The following CR1L variants were observed in gnomAD, a reference collection of about 807,000 sequenced individuals.
The protein encoded by CR1L is complement C3b/C4b receptor 1 like.
CR1L carries 59 observed loss-of-function variants against 62.3 expected under a neutral mutation model. The ratio of observed to expected loss-of-function variants is 0.95; its 90% CI spans 0.77 to 1.18. The LOEUF is 1.18. Ranked by LOEUF, CR1L falls within the 50% of genes most tolerant of loss-of-function variation. CR1L has a pLI of 0.00. For synonymous variants in CR1L, 279 were observed against 248.7 expected, an observed-to-expected ratio of 1.12 and a Z score of -1.15; for missense variants, 700 against 702.8, an observed-to-expected ratio of 1.00 and a Z score of 0.04.
chr1:207,710,732 G>A (rs1223337795), intron 10 of CR1L: 1 of 1,609,466 alleles, frequency 6.2e-7, no homozygotes, highest in Non-Finnish European at 8.5e-7. Context: ...CGCACCGTGT[G>A]CAATGCCAGG....
intron 10 of CR1L, chr1:207,715,208 C>T (rs1315332406): frequency 3.0e-6 from 2 of 662,546 alleles, no homozygotes; most frequent in African/African-American, 1.8e-5. Context: ...AAATGATAGT[C>T]AAGGAGGAAA....
chr1:207,699,349 A>G (rs1664157218), intron 8 of CR1L, 75 bp downstream of exon 8: 1 of 1,532,804 alleles, frequency 6.5e-7, no homozygotes, highest in Non-Finnish European at 8.9e-7. Flanking sequence ...GACCTCCCCT[A>G]ATGTGGTTCT....
Position 207,709,041 on chromosome 1 carries a change from T to C in CR1L, c.1414+778T>C, listed in dbSNP as rs1424449574. On this transcript the variant is annotated intron_variant, in intron 10 of 11. Transcript: ENST00000508064. ...TAAGTATCATGTTTATTATATGTAA[T>C]ATTGTATATTTGTGTTTGCTTTGTC... The C allele has an allele frequency of 2.0e-5, 6 of 294,366 alleles. No homozygotes were observed. In the East Asian group the frequency reaches 4.8e-4, roughly 24 times the overall value. 18.2% of individuals were successfully genotyped at this position (294,366 alleles called of 1,614,324 possible).
intron 3 of CR1L, 78 bp downstream of exon 3, chr1:207,678,375 C>A: frequency 7.9e-7 from 1 of 1,267,856 alleles, no homozygotes; most frequent in Non-Finnish European, 1.1e-6. Flanking sequence ...AGTCACATCT[C>A]AGAAAGGACA....
At chr1:207,653,350 G>A (rs78246144) in intron 1 of CR1L, among the ~76,000 whole-genome samples, 5,849 of 152,286 alleles carry the variant, frequency 0.038, 176 homozygotes, top group South Asian at 0.12. Context: ...CAGCAAAGAC[G>A]TAGAGTAAAT....
chr1:207,708,170 G>A lies in CR1L; in HGVS notation c.1329-8G>A, dbSNP rs1558024681. The A allele has an allele frequency of 2.0e-5, 32 of 1,610,770 alleles. No individual in the cohort carries two copies. Among genetic ancestry groups the A allele is most frequent in the Non-Finnish European group, 2.7e-5 (32 of 1,179,074 alleles). On this transcript the variant is annotated splice_polypyrimidine_tract_variant and splice_region_variant and intron_variant, in intron 9 of 11. Coordinates refer to ENST00000508064, the MANE Select transcript of CR1L (RefSeq NM_175710.2). ...ACAGCACAATTATTTTCCATTTTTTGCCTTTAGGCACCGACTCATTGGTCA... is the reference window on the plus strand; with the variant it reads ...ACAGCACAATTATTTTCCATTTTTTACCTTTAGGCACCGACTCATTGGTCA...
intron 1 of CR1L, chr1:207,669,700 C>G (rs974599001): frequency 1.3e-4 from 72 of 574,368 alleles, no homozygotes; most frequent in Admixed American, 1.2e-3. Context: ...GTGGGCTGAG[C>G]GCGCTACCTG....
intron 11 of CR1L, among the ~76,000 whole-genome samples, chr1:207,718,878 A>C (rs989116238): frequency 2.0e-5 from 3 of 150,538 alleles, no homozygotes; most frequent in Non-Finnish European, 4.4e-5. Context: ...ACAATGATAG[A>C]CTGGATTAAG....
chr1:207,661,067 A>G (rs774506956), intron 1 of CR1L, among the ~76,000 whole-genome samples: 82 of 152,292 alleles, frequency 5.4e-4, no homozygotes, highest in Middle Eastern at 3.4e-3. Flanking sequence ...ACTTCCAACT[A>G]TGTGGTCAAT....
chr1:207,721,094 T>C (rs1429231820), intron 11 of CR1L, among the ~76,000 whole-genome samples: 1 of 152,182 alleles, frequency 6.6e-6, no homozygotes, highest in African/African-American at 2.4e-5. Context: ...GGATGCAAGA[T>C]TTAGAGAAAG....
intron 1 of CR1L, among the ~76,000 whole-genome samples, chr1:207,662,838 T>A (rs1663446490): frequency 6.6e-6 from 1 of 152,248 alleles, no homozygotes; most frequent in Non-Finnish European, 1.5e-5. Flanking sequence ...GTGGATGTCC[T>A]TTCTGTTTGT....
chr1:207,670,192 C>G (rs995914351), intron 1 of CR1L, among the ~76,000 whole-genome samples: 2 of 150,844 alleles, frequency 1.3e-5, no homozygotes, highest in Non-Finnish European at 2.9e-5. Context: ...GAACTGTCCT[C>G]GTCCCCTACC....
chr1:207,683,323 G>A (rs949446719), intron 3 of CR1L, among the ~76,000 whole-genome samples: 3 of 151,992 alleles, frequency 2.0e-5, no homozygotes, highest in Non-Finnish European at 2.9e-5. Flanking sequence ...TTTTTGTTGA[G>A]ACAGGGTCTC....
intron 1 of CR1L, among the ~76,000 whole-genome samples, chr1:207,648,838 C>G (rs1171806150): frequency 2.0e-5 from 3 of 152,222 alleles, no homozygotes; most frequent in Non-Finnish European, 2.9e-5. Context: ...GGGAGATAGG[C>G]AGCACAAGAA....
At chr1:207,646,232 T>C (rs1663123192) in intron 1 of CR1L, among the ~76,000 whole-genome samples, 1 of 152,130 alleles carries the variant, frequency 6.6e-6, no homozygotes, top group Non-Finnish European at 1.5e-5. Context: ...TTTCATTAGT[T>C]TGAGTCATAT....
chr1:207,677,354 A>G (rs779704034), intron 1 of CR1L, 35 bp from the exon 2 acceptor site: 2 of 1,309,156 alleles, frequency 1.5e-6, no homozygotes, highest in South Asian at 1.8e-5. Context: ...TAATTTCTCC[A>G]TTAACTTCGA....
At chr1:207,648,023 G>A (rs1288328189) in intron 1 of CR1L, among the ~76,000 whole-genome samples, 1 of 152,034 alleles carries the variant, frequency 6.6e-6, no homozygotes, top group Non-Finnish European at 1.5e-5. Context: ...AATTAGCCAG[G>A]TGTGATGTTG....
At chr1:207,698,014 T>C in intron 7 of CR1L, 141 bp downstream of exon 7, 4 of 1,376,104 alleles carry the variant, frequency 2.9e-6, no homozygotes, top group Non-Finnish European at 4.0e-6. Context: ...AGATGAACTT[T>C]TGAAAGTATA....
rs749342942 is a variant in CR1L at position 207,708,163 on chromosome 1, A to T, written c.1329-15A>T. Reference sequence around the variant, plus strand: ...GGTATGTACAGCACAATTATTTTCCATTTTTTGCCTTTAGGCACCGACTCA... The same window carrying T: ...GGTATGTACAGCACAATTATTTTCCTTTTTTTGCCTTTAGGCACCGACTCA... On this transcript the variant is annotated splice_polypyrimidine_tract_variant and intron_variant, in intron 9 of 11. Coordinates refer to ENST00000508064, the MANE Select transcript of CR1L (RefSeq NM_175710.2). 2 of 1,610,254 alleles carry T rather than the reference A, an allele frequency of 1.2e-6. No individual in the cohort carries two copies. Among genetic ancestry groups the T allele is most frequent in the Non-Finnish European group, 1.7e-6 (2 of 1,178,780 alleles).
Sources: allele counts gnomAD v4.1 joint callset (sites outside exome capture counted in the v4.1 genomes callset), GRCh38; gene constraint gnomAD v4.1.1; transcripts MANE v1.5; gene names NCBI Gene and HGNC (gene_info 2026-07-23, HGNC 2026-07-21).